Variants in CYB5A observed in about 807,000 individuals in gnomAD.
CYB5A encodes cytochrome b5 type A.
Under a neutral mutation model 16.2 loss-of-function variants are expected in CYB5A, and 10 were observed. The observed-to-expected ratio is 0.62, with a 90% confidence interval of 0.38 to 1.04. The LOEUF is 1.04. CYB5A is among the 50% of genes least tolerant of loss of function. The pLI, the probability that CYB5A is intolerant of heterozygous loss-of-function variation, is 0.01. For missense variants in CYB5A, 161 were observed against 165.9 expected, an observed-to-expected ratio of 0.97 and a Z score of 0.16; for synonymous variants, 62 against 57.0, an observed-to-expected ratio of 1.09 and a Z score of -0.40.
At chr18:74,283,247 G>A (rs1281343317) in intron 1 of CYB5A, among the ~76,000 whole-genome samples, 8 of 152,106 alleles carry the variant, frequency 5.3e-5, no homozygotes, top group Non-Finnish European at 1.2e-4. Flanking sequence ...GAACCTCCTC[G>A]GATTTCCATT....
chr18:74,254,161 T>C (rs376200130), intron 4 of CYB5A, among the ~76,000 whole-genome samples: 10 of 152,154 alleles, frequency 6.6e-5, no homozygotes, highest in East Asian at 1.9e-4. Flanking sequence ...GCCTGTGTGA[T>C]AGAGCGAGAC....
At chr18:74,259,408 T>C (rs1224625230) in intron 3 of CYB5A, 2 of 152,182 alleles carry the variant, frequency 1.3e-5, no homozygotes, top group African/African-American at 2.4e-5. Context: ...CACTTTAAAA[T>C]AGAAAATAAG....
intron 1 of CYB5A, among the ~76,000 whole-genome samples, chr18:74,270,938 C>T (rs1349665067): frequency 6.6e-6 from 1 of 152,160 alleles, no homozygotes; most frequent in African/African-American, 2.4e-5. Flanking sequence ...CATAAGTATT[C>T]ATTAGATAAA....
chr18:74,268,876 T>C (rs1982555733), intron 1 of CYB5A, among the ~76,000 whole-genome samples: 1 of 152,152 alleles, frequency 6.6e-6, no homozygotes, highest in African/African-American at 2.4e-5. Flanking sequence ...TAGCTCCTAA[T>C]GCCTCCCACA....
intron 3 of CYB5A, chr18:74,256,569 T>A (rs1011948055): frequency 5.9e-6 from 3 of 509,756 alleles, no homozygotes; most frequent in Non-Finnish European, 1.0e-5. Context: ...TATCAACTTT[T>A]TGGGGCTTGA....
chr18:74,283,084 G>C (rs1474343217), intron 1 of CYB5A, among the ~76,000 whole-genome samples: 1 of 152,106 alleles, frequency 6.6e-6, no homozygotes, highest in Non-Finnish European at 1.5e-5. Context: ...AAAGATACAA[G>C]AGAGGCCACA....
chr18:74,270,575 C>T (rs1330212391), intron 1 of CYB5A, among the ~76,000 whole-genome samples: 3 of 152,090 alleles, frequency 2.0e-5, no homozygotes, highest in African/African-American at 7.2e-5. Flanking sequence ...ATTCAACCAA[C>T]CATGGATGGA....
intron 3 of CYB5A, 61 bp from the exon 4 acceptor site, chr18:74,255,836 C>A (rs1252541023): frequency 5.5e-6 from 7 of 1,272,298 alleles, no homozygotes; most frequent in Non-Finnish European, 8.1e-6. Context: ...ATTTCATTGA[C>A]TAAAATCCTG....
chr18:74,264,611 C>T (rs1220025883), intron 1 of CYB5A, among the ~76,000 whole-genome samples: 1 of 152,164 alleles, frequency 6.6e-6, no homozygotes, highest in Non-Finnish European at 1.5e-5. Flanking sequence ...AAAAACAAAA[C>T]AAAACAAGTA....
At chr18:74,269,870 T>C (rs1482230722) in intron 1 of CYB5A, among the ~76,000 whole-genome samples, 1 of 152,052 alleles carries the variant, frequency 6.6e-6, no homozygotes, top group Non-Finnish European at 1.5e-5. Context: ...CATGAAGACT[T>C]TTAGAAGCTG....
intron 1 of CYB5A, among the ~76,000 whole-genome samples, chr18:74,290,080 T>G (rs77090789): frequency 6.6e-6 from 1 of 152,106 alleles, no homozygotes; most frequent in African/African-American, 2.4e-5. Flanking sequence ...TGAGAATTGA[T>G]GTTATATGAC....
rs766837154 is a variant in CYB5A, at chr18:74,291,738, C to G, written c.129+9G>C. On this transcript the variant is annotated intron_variant, in intron 1 of 4. Coordinates refer to ENST00000340533, the MANE Select transcript of CYB5A (RefSeq NM_148923.4). The stretch of plus-strand genomic sequence containing the variant: ...TCCCTGCGCCCCAAGCCGCTCATCC[C>G]CAACTCACCTCTTCCAGAAATTTGG... 15 of 1,613,664 alleles carry G rather than the reference C, an allele frequency of 9.3e-6. No individual in the cohort carries two copies. The highest frequency in any genetic ancestry group is 1.0e-5 in the Non-Finnish European group (12 of 1,179,780).
chr18:74,264,737 A>G (rs1982367112), intron 1 of CYB5A, among the ~76,000 whole-genome samples: 1 of 152,204 alleles, frequency 6.6e-6, no homozygotes, highest in South Asian at 2.1e-4. Flanking sequence ...GTGGAATAAA[A>G]GAGTTTTAGT....
chr18:74,255,784 C>A lies in CYB5A; in HGVS notation c.289-9G>T, dbSNP rs776987400. ...GTAGTGATAAGAGTTTCCTGAAACA[C>A]GAGAGGAAAAAGTAAAGTAAGTTCA... is the stretch of plus-strand genomic sequence containing the variant. On this transcript the variant is annotated splice_polypyrimidine_tract_variant and intron_variant, in intron 3 of 4. Transcript: ENST00000340533. 5.0e-6 allele frequency: 8 copies of A among 1,607,254 alleles called. No individual in the cohort carries two copies. The highest frequency in any genetic ancestry group is 3.3e-5 in the Admixed American group (2 of 59,968).
intron 1 of CYB5A, among the ~76,000 whole-genome samples, chr18:74,287,589 G>C (rs985267896): frequency 6.6e-6 from 1 of 152,160 alleles, no homozygotes; most frequent in African/African-American, 2.4e-5. Flanking sequence ...AACATTTAAG[G>C]CTCAGGTCCA....
intron 1 of CYB5A, among the ~76,000 whole-genome samples, chr18:74,264,143 C>T (rs943315355): frequency 4.0e-5 from 6 of 148,730 alleles, no homozygotes; most frequent in Admixed American, 2.0e-4. Flanking sequence ...TCCAGGAGGC[C>T]GAGGTTGCAG....
chr18:74,265,018 C>T (rs1477948904), intron 1 of CYB5A, among the ~76,000 whole-genome samples: 1 of 152,142 alleles, frequency 6.6e-6, no homozygotes, highest in Non-Finnish European at 1.5e-5. Flanking sequence ...TTGAGCAAGT[C>T]ACCTGCAAGT....
intron 1 of CYB5A, among the ~76,000 whole-genome samples, chr18:74,269,549 C>T (rs761638824): frequency 1.3e-5 from 2 of 152,210 alleles, no homozygotes; most frequent in Non-Finnish European, 2.9e-5. Flanking sequence ...AGCTAATGCA[C>T]ACTCCAGCGT....
In CYB5A at chr18:74,256,785, C is replaced by A. The variant is rs972277272; in HGVS notation, c.289-1010G>T. 5 of 1,593,430 alleles carry A rather than the reference C, an allele frequency of 3.1e-6. No homozygotes were observed. In the African/African-American group the frequency reaches 4.0e-5, roughly 13 times the overall value. ...GAGAAACTCCCGTGAAAAGACAGAC[C>A]CCTTTCAGGGAAAAGCAAGCAAAGC... is the stretch of plus-strand genomic sequence containing the variant. On this transcript the variant is annotated intron_variant, in intron 3 of 4. Coordinates refer to ENST00000340533, the MANE Select transcript of CYB5A (RefSeq NM_148923.4).
Sources: gnomAD v4.1 joint callset for allele counts (sites outside exome capture counted in the v4.1 genomes callset) on GRCh38, gnomAD v4.1.1 for gene constraint, MANE v1.5 for transcripts, NCBI Gene and HGNC (gene_info 2026-07-23, HGNC 2026-07-21) for gene names.